Variants in PIK3CB observed in about 807,000 individuals in gnomAD.
The protein encoded by PIK3CB is phosphatidylinositol 4,5-bisphosphate 3-kinase catalytic subunit beta isoform.
Under a neutral mutation model 136.8 loss-of-function variants are expected in PIK3CB, and 39 were observed. The ratio of observed to expected loss-of-function variants is 0.29; its 90% CI spans 0.22 to 0.37. The LOEUF (loss-of-function observed/expected upper bound fraction) is 0.37. PIK3CB is among the 10% of genes least tolerant of loss of function. PIK3CB has a pLI of 1.00. For missense variants in PIK3CB, 868 were observed against 1,275.4 expected (o/e 0.68, Z 4.87); for synonymous variants, 428 against 436.6 (o/e 0.98, Z 0.25).
At position 138,712,350 on chromosome 3, in the gene PIK3CB, A is replaced by T. The variant is rs538174715; in HGVS notation, c.1303-46T>A. ...GCATAAATATGCTAAGAATAACTTT[A>T]AGGTGTAAACATGCACATGTCCTTT... On this transcript the variant is annotated intron_variant, in intron 9 of 23. Transcript: ENST00000674063. The T allele has an allele frequency of 3.4e-6, 3 of 878,476 alleles. No homozygotes were observed. The South Asian group carries it at 5.6e-5, about 16-fold the overall frequency. 54.4% of individuals were successfully genotyped at this position (878,476 alleles called of 1,614,324 possible).
intron 4 of PIK3CB, among the ~76,000 whole-genome samples, chr3:138,748,089 T>G (rs2045397344): frequency 6.6e-6 from 1 of 151,832 alleles, no homozygotes; most frequent in Non-Finnish European, 1.5e-5. Flanking sequence ...TCTAGTATAG[T>G]TTTGTTGAGA....
At chr3:138,746,997 G>A (rs1222176300) in intron 4 of PIK3CB, among the ~76,000 whole-genome samples, 1 of 130,902 alleles carries the variant, frequency 7.6e-6, no homozygotes, top group Non-Finnish European at 1.6e-5. Flanking sequence ...ATCTCGAAAT[G>A]GCAGGCAACC....
chr3:138,799,177 T>TC (rs1339659712), intron 1 of PIK3CB, among the ~76,000 whole-genome samples: 234 of 115,702 alleles, frequency 2.0e-3, no homozygotes, highest in African/African-American at 0.012. Flanking sequence ...CAAATCTTAC[T>TC]TTTTTTTTTT....
At chr3:138,826,182 A>C in intron 1 of PIK3CB, 1 of 1,171,156 alleles carries the variant, frequency 8.5e-7, no homozygotes, top group Non-Finnish European at 1.3e-6. Flanking sequence ...GTATGTTGAG[A>C]GCTTCTAGGA....
chr3:138,739,072 A>G (rs1489936531), intron 5 of PIK3CB, among the ~76,000 whole-genome samples: 1 of 152,076 alleles, frequency 6.6e-6, no homozygotes, highest in African/African-American at 2.4e-5. Flanking sequence ...TAATGTGATG[A>G]TATTTGGAAG....
At chr3:138,690,504 A>G (rs1250692068) in intron 15 of PIK3CB, among the ~76,000 whole-genome samples, 1 of 152,110 alleles carries the variant, frequency 6.6e-6, no homozygotes, top group African/African-American at 2.4e-5. Context: ...TCTGGAAATT[A>G]CCTACTTAAT....
At chr3:138,793,582 G>A (rs1025413848) in intron 2 of PIK3CB, among the ~76,000 whole-genome samples, 2 of 151,820 alleles carry the variant, frequency 1.3e-5, no homozygotes, top group African/African-American at 4.8e-5. Flanking sequence ...CTCCAGCCTG[G>A]GCGTTGCAGC....
intron 2 of PIK3CB, among the ~76,000 whole-genome samples, chr3:138,795,616 A>G (rs1305619023): frequency 1.3e-5 from 2 of 152,146 alleles, no homozygotes; most frequent in African/African-American, 2.4e-5. Flanking sequence ...GTGACAGAGC[A>G]AGACTCCGTT....
In PIK3CB at chr3:138,679,936, T is replaced by TA. The variant is rs61222749; in HGVS notation, c.2504+2030dup. Among the ~76,000 whole-genome samples the TA allele has an allele frequency of 9.6e-3, 1,068 of 110,808 alleles. 17 individuals are homozygous for TA. Among genetic ancestry groups the TA allele is most frequent in the African/African-American group, 0.031 (899 of 28,864 alleles). The allele number at this position is 110,808 out of a possible 152,430, so 72.7% of individuals were successfully genotyped here. A position where few individuals can be genotyped will look rare whatever the true frequency, so the allele number is the denominator to read the frequency against. ...AATGAGAACAGAATAAACACAAAAGTAAAAAAAAAAAAAAAAAAGTAATAA... is the reference window on the plus strand; with the variant it reads ...AATGAGAACAGAATAAACACAAAAGTAAAAAAAAAAAAAAAAAAAGTAATAA... On this transcript the variant is annotated intron_variant, in intron 19 of 23. Coordinates refer to ENST00000674063, the MANE Select transcript of PIK3CB (RefSeq NM_006219.3).
At chr3:138,710,629 A>G (rs529175094) in intron 10 of PIK3CB, among the ~76,000 whole-genome samples, 1 of 152,324 alleles carries the variant, frequency 6.6e-6, no homozygotes, top group African/African-American at 2.4e-5. Flanking sequence ...TGAAACAGCT[A>G]TGTAAGACTA....
At chr3:138,831,725 G>GACCATCCTGGCC (rs1195795729) in intron 1 of PIK3CB, among the ~76,000 whole-genome samples, 4 of 152,198 alleles carry the variant, frequency 2.6e-5, no homozygotes, top group African/African-American at 9.7e-5. Context: ...AAAAGACTGA[G>GACCATCCTGGCC]ACCATCCTGG....
chr3:138,666,197 G>T (rs543469269), intron 19 of PIK3CB, among the ~76,000 whole-genome samples: 1 of 152,044 alleles, frequency 6.6e-6, no homozygotes, highest in African/African-American at 2.4e-5. Flanking sequence ...AAGAGTCAGT[G>T]TGTCTCTTTA....
At chr3:138,690,074 C>A (rs1251382298) in intron 15 of PIK3CB, among the ~76,000 whole-genome samples, 2 of 150,086 alleles carry the variant, frequency 1.3e-5, no homozygotes, top group Admixed American at 1.3e-4. Flanking sequence ...TGAGAAAAGA[C>A]AAGTTAAAAA....
intron 2 of PIK3CB, among the ~76,000 whole-genome samples, chr3:138,765,414 A>T (rs896261857): frequency 6.6e-6 from 1 of 152,210 alleles, no homozygotes; most frequent in African/African-American, 2.4e-5. Context: ...GCAATCTTCA[A>T]TATAGTCTTT....
intron 19 of PIK3CB, among the ~76,000 whole-genome samples, chr3:138,677,092 T>C (rs1038734363): frequency 1.3e-5 from 2 of 151,694 alleles, no homozygotes; most frequent in African/African-American, 2.4e-5. Flanking sequence ...AGCTTCGCTC[T>C]TGTTGCCCAG....
chr3:138,673,982 G>T (rs1401360748), intron 19 of PIK3CB, among the ~76,000 whole-genome samples: 4 of 152,244 alleles, frequency 2.6e-5, no homozygotes, highest in African/African-American at 9.6e-5. Context: ...CACCTAGCAT[G>T]AACTGCCTTT....
intron 14 of PIK3CB, among the ~76,000 whole-genome samples, chr3:138,693,409 T>G (rs575886211): frequency 6.6e-6 from 1 of 151,992 alleles, no homozygotes; most frequent in Non-Finnish European, 1.5e-5. Flanking sequence ...TATTATTATT[T>G]TTTTTTGGAG....
rs1400050028 is a variant in PIK3CB, at chr3:138,684,709, G to A, written c.2231C>T (p.Thr744Ile). The A allele has an allele frequency of 1.2e-6, 2 of 1,613,694 alleles. No homozygotes were observed. The highest frequency in any genetic ancestry group is 4.5e-5 in the East Asian group (2 of 44,870). ...CCGGTAAGCACTCTGTTTTAAACAG[G>A]TATGCATGGCCTCCTTCCCTTTGGC... is the stretch of plus-strand genomic sequence containing the variant. ...NRAKGKEAMH[T>I]CLKQSAYREA... The change falls in exon 17 of 24, where the codon ACC (threonine) becomes ATC (isoleucine). Residue 744 changes from threonine (T) to isoleucine (I), a missense_variant. Physicochemically the swap from Thr to Ile is moderately conservative, Grantham distance 89. This residue lies in a region of PIK3CB where 165 missense variants were observed against 295.4 expected (regional missense o/e 0.56). Transcript: ENST00000674063.
At chr3:138,771,409 C>T (rs373458781) in intron 2 of PIK3CB, among the ~76,000 whole-genome samples, 29 of 151,900 alleles carry the variant, frequency 1.9e-4, no homozygotes, top group African/African-American at 5.3e-4. Context: ...TTAGTAGATA[C>T]GGGATTTCAC....
Sources: allele counts gnomAD v4.1 joint callset (sites outside exome capture counted in the v4.1 genomes callset), GRCh38; gene constraint gnomAD v4.1.1; regional missense constraint gnomAD v4.1.1; transcripts MANE v1.5; gene names NCBI Gene and HGNC (gene_info 2026-07-23, HGNC 2026-07-21).